The following DNAJC24 variants were observed in gnomAD, a reference collection of about 807,000 sequenced individuals.
The protein encoded by DNAJC24 is DnaJ heat shock protein family (Hsp40) member C24.
Under a neutral mutation model 18.0 loss-of-function variants are expected in DNAJC24, and 17 were observed. The observed-to-expected ratio is 0.94, with a 90% confidence interval of 0.65 to 1.42. DNAJC24 has a LOEUF of 1.42. Ranked by LOEUF, DNAJC24 falls within the 40% of genes most tolerant of loss-of-function variation. The pLI is 0.00. For synonymous variants in DNAJC24, 55 were observed against 57.7 expected, an observed-to-expected ratio of 0.95 and a Z score of 0.21; for missense variants, 158 against 175.6, an observed-to-expected ratio of 0.90 and a Z score of 0.57.
chr11:31,419,691 G>C (rs1366855937), intron 3 of DNAJC24, among the ~76,000 whole-genome samples: 5 of 151,760 alleles, frequency 3.3e-5, no homozygotes, highest in African/African-American at 1.2e-4. Context: ...TTTCCACTTG[G>C]TTACTTGACC....
intron 2 of DNAJC24, among the ~76,000 whole-genome samples, chr11:31,394,160 A>T (rs946239843): frequency 1.3e-5 from 2 of 152,164 alleles, no homozygotes; most frequent in Admixed American, 1.3e-4. Context: ...ACTAACCAAC[A>T]CTTACTACAC....
chr11:31,374,697 T>C lies in DNAJC24; in HGVS notation c.111+3838T>C, dbSNP rs1386770668. On this transcript the variant is annotated intron_variant, in intron 2 of 4. Coordinates refer to ENST00000465995, the MANE Select transcript of DNAJC24 (RefSeq NM_181706.5). ...TTTTAGTCTTAACCAGTCTTTCTCT[T>C]GTTTAGTTTTGCCCCTCAACTCCAC... Among the ~76,000 whole-genome samples the C allele has an allele frequency of 1.5e-5, 2 of 134,488 alleles. 1 individual carries two copies. Among genetic ancestry groups the C allele is most frequent in the Non-Finnish European group, 3.4e-5 (2 of 58,210 alleles). 88.2% of individuals were successfully genotyped at this position (134,488 alleles called of 152,430 possible).
chr11:31,408,129 C>T (rs1218096380), intron 2 of DNAJC24: 2 of 456,018 alleles, frequency 4.4e-6, no homozygotes, highest in Non-Finnish European at 8.8e-6. Flanking sequence ...TTTTTTCCCC[C>T]TCTTTTTGGT....
At chr11:31,406,095 A>G (rs532104847) in intron 2 of DNAJC24, among the ~76,000 whole-genome samples, 1 of 152,224 alleles carries the variant, frequency 6.6e-6, no homozygotes, top group East Asian at 1.9e-4. Flanking sequence ...AGCAGCTACA[A>G]ATCCTTTTTT....
intron 2 of DNAJC24, among the ~76,000 whole-genome samples, chr11:31,401,704 T>C (rs890929426): frequency 1.3e-5 from 2 of 152,198 alleles, no homozygotes; most frequent in African/African-American, 4.8e-5. Context: ...TTTAAAAATA[T>C]TAATGGTATT....
intron 2 of DNAJC24, among the ~76,000 whole-genome samples, chr11:31,376,958 A>T (rs911742767): frequency 2.0e-5 from 3 of 152,128 alleles, no homozygotes; most frequent in Admixed American, 2.0e-4. Flanking sequence ...GGAAAAGCAT[A>T]TTATTTATAA....
At chr11:31,413,717 A>C (rs978524173) in intron 2 of DNAJC24, among the ~76,000 whole-genome samples, 1 of 152,178 alleles carries the variant, frequency 6.6e-6, no homozygotes, top group African/African-American at 2.4e-5. Flanking sequence ...AGCAAATACT[A>C]TTCTGATATT....
rs185996676 is a variant in DNAJC24, at chr11:31,388,501, A to G, written c.111+17642A>G. 8.6e-3 allele frequency among the ~76,000 whole-genome samples: 1,310 copies of G among 152,318 alleles called. 8 individuals carry two copies. Among genetic ancestry groups the G allele is most frequent in the Non-Finnish European group, 0.014 (943 of 68,028 alleles). The stretch of plus-strand genomic sequence containing the variant: ...CTGAAGGAAAAAAATCTTATTCTAG[A>G]ATAGTATATCCAGCAAAAAATATCC... On this transcript the variant is annotated intron_variant, in intron 2 of 4. Transcript: ENST00000465995.
At chr11:31,395,364 T>G (rs989025782) in intron 2 of DNAJC24, among the ~76,000 whole-genome samples, 1 of 152,178 alleles carries the variant, frequency 6.6e-6, no homozygotes, top group Non-Finnish European at 1.5e-5. Context: ...ATCCATGTCC[T>G]ATGTGTCTTT....
intron 2 of DNAJC24, among the ~76,000 whole-genome samples, chr11:31,411,668 G>T (rs1255637618): frequency 1.3e-5 from 2 of 152,158 alleles, no homozygotes; most frequent in Non-Finnish European, 2.9e-5. Flanking sequence ...CTGTGTGTCA[G>T]CTCTTTCTCT....
chr11:31,383,654 G>A (rs953329808), intron 2 of DNAJC24, among the ~76,000 whole-genome samples: 3 of 152,194 alleles, frequency 2.0e-5, no homozygotes, highest in African/African-American at 7.2e-5. Context: ...TACAGGAATT[G>A]GAAAGCAAGG....
intron 2 of DNAJC24, among the ~76,000 whole-genome samples, chr11:31,381,972 G>A (rs560677688): frequency 1.3e-5 from 2 of 152,226 alleles, no homozygotes; most frequent in Non-Finnish European, 2.9e-5. Flanking sequence ...TTAGTTAAAT[G>A]TATATATTCG....
chr11:31,390,950 A>T (rs1295530618), intron 2 of DNAJC24, among the ~76,000 whole-genome samples: 1 of 152,196 alleles, frequency 6.6e-6, no homozygotes, highest in Non-Finnish European at 1.5e-5. Context: ...ATGAGTATTG[A>T]CGTAAAAGTC....
At chr11:31,377,316 G>A (rs1362245066) in intron 2 of DNAJC24, among the ~76,000 whole-genome samples, 2 of 151,888 alleles carry the variant, frequency 1.3e-5, no homozygotes, top group African/African-American at 2.4e-5. Flanking sequence ...CTTACTCAGG[G>A]TCCTGATTCT....
chr11:31,391,132 G>A (rs538878686), intron 2 of DNAJC24, among the ~76,000 whole-genome samples: 2 of 152,196 alleles, frequency 1.3e-5, no homozygotes, highest in South Asian at 2.1e-4. Context: ...TACTGAAAAA[G>A]TGTTTGATGA....
At chr11:31,426,951 G>A (rs559825555) in intron 4 of DNAJC24, 5 of 151,482 alleles carry the variant, frequency 3.3e-5, no homozygotes, top group South Asian at 2.1e-4. Flanking sequence ...ATTCAATGTC[G>A]TTTCCCTATT....
chr11:31,423,559 C>T (rs1336378678), intron 3 of DNAJC24, among the ~76,000 whole-genome samples: 2 of 152,208 alleles, frequency 1.3e-5, no homozygotes, highest in Non-Finnish European at 2.9e-5. Context: ...CAGTGCCTGA[C>T]CTGGAAAGCC....
At chr11:31,399,361 T>C (rs958511346) in intron 2 of DNAJC24, among the ~76,000 whole-genome samples, 2 of 152,160 alleles carry the variant, frequency 1.3e-5, no homozygotes, top group Non-Finnish European at 2.9e-5. Flanking sequence ...CTTAACCTTT[T>C]ACATTTCTTT....
chr11:31,379,853 G>A (rs1952359040), intron 2 of DNAJC24, among the ~76,000 whole-genome samples: 1 of 152,066 alleles, frequency 6.6e-6, no homozygotes, highest in Non-Finnish European at 1.5e-5. Context: ...CACTTCCCAG[G>A]TTCAAGCGAT....
Sources: allele counts gnomAD v4.1 joint callset (sites outside exome capture counted in the v4.1 genomes callset), GRCh38; gene constraint gnomAD v4.1.1; transcripts MANE v1.5; gene names NCBI Gene and HGNC (gene_info 2026-07-23, HGNC 2026-07-21).